Variants in PRKN observed in about 807,000 individuals in gnomAD.
The protein encoded by PRKN is E3 ubiquitin-protein ligase parkin.
Under a neutral mutation model 59.5 loss-of-function variants are expected in PRKN, and 56 were observed. The ratio of observed to expected loss-of-function variants is 0.94; its 90% CI spans 0.76 to 1.18. PRKN has a LOEUF of 1.18. Ranked by LOEUF, PRKN falls within the 50% of genes most tolerant of loss-of-function variation. The probability of loss-of-function intolerance (pLI) is 0.00; values close to 1 mark genes in which losing one functional copy is unlikely to be tolerated. For missense variants in PRKN, 657 were observed against 596.4 expected (o/e 1.10, Z -1.06); for synonymous variants, 250 against 222.1 (o/e 1.13, Z -1.12).
intron 11 of PRKN, among the ~76,000 whole-genome samples, chr6:161,351,576 C>T (rs1207182213): frequency 2.6e-5 from 4 of 152,130 alleles, no homozygotes; most frequent in Non-Finnish European, 4.4e-5. Context: ...CCTCCCGCCT[C>T]GGCCTCCCAA....
intron 6 of PRKN, among the ~76,000 whole-genome samples, chr6:161,871,458 A>C (rs564091734): frequency 6.6e-6 from 1 of 152,308 alleles, no homozygotes; most frequent in Admixed American, 6.5e-5. Flanking sequence ...CTTAGAACTC[A>C]GGGTGCAGTT....
chr6:162,449,411 C>G (rs1031637769), intron 1 of PRKN, among the ~76,000 whole-genome samples: 5 of 152,148 alleles, frequency 3.3e-5, no homozygotes, highest in African/African-American at 1.2e-4. Context: ...TGGTGGAACA[C>G]AAATCTCTAG....
chr6:161,456,335 C>T lies in PRKN; in HGVS notation c.1084-69458G>A, dbSNP rs773284351. On this transcript the variant is annotated intron_variant, in intron 9 of 11. Coordinates refer to ENST00000366898, the MANE Select transcript of PRKN (RefSeq NM_004562.3). The surrounding 1 kb of genome is among the most constrained non-coding windows in gnomAD (Gnocchi z 4.8). The stretch of plus-strand genomic sequence containing the variant: ...TTTCTCTCGCATTGAAAGCTTCCTG[C>T]CCTGGAACATCAGACTCCAAGTTCT... Among the ~76,000 whole-genome samples, 18 of 152,190 alleles carry T rather than the reference C, an allele frequency of 1.2e-4. No homozygotes were observed. The highest frequency in any genetic ancestry group is 2.5e-4 in the Non-Finnish European group (17 of 68,036).
chr6:161,534,202 G>C (rs749368901), intron 9 of PRKN, among the ~76,000 whole-genome samples: 8 of 152,062 alleles, frequency 5.3e-5, no homozygotes, highest in Non-Finnish European at 1.0e-4. Flanking sequence ...CTCCCTGGCC[G>C]TGTTCTCTGC....
intron 2 of PRKN, among the ~76,000 whole-genome samples, chr6:162,368,429 A>G (rs755405972): frequency 2.6e-5 from 4 of 152,198 alleles, no homozygotes; most frequent in Non-Finnish European, 5.9e-5. Flanking sequence ...GACTGCCATC[A>G]GGACATGGAA....
intron 2 of PRKN, among the ~76,000 whole-genome samples, chr6:162,279,480 G>A (rs12212222): frequency 0.098 from 13,085 of 133,760 alleles, 743 homozygotes; most frequent in South Asian, 0.29. Context: ...GAAGAGAAAA[G>A]AAAAGAAAAG....
At chr6:161,929,922 G>A (rs1465093739) in intron 6 of PRKN, among the ~76,000 whole-genome samples, 2 of 152,174 alleles carry the variant, frequency 1.3e-5, no homozygotes, top group Non-Finnish European at 2.9e-5. Context: ...GGGATTCCTT[G>A]TTTTCATAAT....
rs372728536 is a variant in PRKN at position 162,442,371 on chromosome 6, C to T, written c.171+939G>A. On this transcript the variant is annotated intron_variant, in intron 2 of 11. Transcript: ENST00000366898. The stretch of plus-strand genomic sequence containing the variant: ...TGCTGGTTAAGAAAAGGGGAACATA[C>T]ATCTGCAGGGTCCTTCACAGTCACA... Among the ~76,000 whole-genome samples the T allele has an allele frequency of 6.6e-4, 101 of 152,330 alleles. 2 individuals carry two copies. The highest frequency in any genetic ancestry group is 2.4e-3 in the African/African-American group (99 of 41,578).
rs888284966 is a variant in PRKN, at chr6:162,556,764, G to GAA, written c.8-113292_8-113291insTT. Among the ~76,000 whole-genome samples, 4 of 126,390 alleles carry GAA rather than the reference G, an allele frequency of 3.2e-5. No homozygotes were observed. The Admixed American group carries it at 3.3e-4, about 10-fold the overall frequency. 82.9% of individuals were successfully genotyped at this position (126,390 alleles called of 152,430 possible). A position where few individuals can be genotyped will look rare whatever the true frequency, so the allele number is the denominator to read the frequency against. ...CCATCTCAAAAAAAAAAAAAAAAAA[G>GAA]AGAAAAGGAAGCTGTAGCTTAGAAC... On this transcript the variant is annotated intron_variant, in intron 1 of 11. Coordinates refer to ENST00000366898, the MANE Select transcript of PRKN (RefSeq NM_004562.3).
At chr6:161,830,445 T>G (rs560508341) in intron 6 of PRKN, among the ~76,000 whole-genome samples, 20 of 152,014 alleles carry the variant, frequency 1.3e-4, no homozygotes, top group African/African-American at 3.9e-4. Flanking sequence ...GTAGAGACAG[T>G]GTTTCACCGT....
intron 4 of PRKN, among the ~76,000 whole-genome samples, chr6:162,183,831 T>C (rs1163074282): frequency 6.6e-6 from 1 of 152,172 alleles, no homozygotes. Flanking sequence ...GCCAAGTAAC[T>C]TTTTTCCAGC....
At chr6:162,212,181 A>G (rs938563048) in intron 3 of PRKN, among the ~76,000 whole-genome samples, 2 of 151,378 alleles carry the variant, frequency 1.3e-5, no homozygotes, top group South Asian at 4.2e-4. Context: ...TACCCTAAAC[A>G]CTCCTTGCTG....
chr6:161,504,415 T>C (rs1342904299), intron 9 of PRKN, among the ~76,000 whole-genome samples: 3 of 152,124 alleles, frequency 2.0e-5, no homozygotes, highest in Non-Finnish European at 4.4e-5. Flanking sequence ...TGTGCGGGGA[T>C]GGGAAAAGGG....
At chr6:161,479,110 AC>A (rs1352158578) in intron 9 of PRKN, among the ~76,000 whole-genome samples, 1 of 152,146 alleles carries the variant, frequency 6.6e-6, no homozygotes, top group Non-Finnish European at 1.5e-5. Context: ...TGCCTCTAGA[AC>A]CTGTAACTGA....
intron 6 of PRKN, among the ~76,000 whole-genome samples, chr6:161,950,826 T>C (rs1040207638): frequency 2.6e-5 from 4 of 151,858 alleles, no homozygotes; most frequent in Admixed American, 2.0e-4. Flanking sequence ...AAAATTGTAC[T>C]GCGTCTTCGA....
intron 5 of PRKN, among the ~76,000 whole-genome samples, chr6:162,012,444 A>T (rs559344650): frequency 6.6e-6 from 1 of 152,240 alleles, no homozygotes; most frequent in African/African-American, 2.4e-5. Flanking sequence ...ACATTATTAT[A>T]TATCTTTATG....
rs368855187 is a variant in PRKN at position 162,668,875 on chromosome 6, T to G, written c.7+58787A>C. Among the ~76,000 whole-genome samples, 11 of 152,282 alleles carry G rather than the reference T, an allele frequency of 7.2e-5. No individual in the cohort carries two copies. In the East Asian group the frequency reaches 2.1e-3, roughly 29 times the overall value. ...GGCACCTGCTTTCTAGGCATTTACTTCATTCTGAGAGTGGATGATAATGAT... is the reference window on the plus strand; with the variant it reads ...GGCACCTGCTTTCTAGGCATTTACTGCATTCTGAGAGTGGATGATAATGAT... On this transcript the variant is annotated intron_variant, in intron 1 of 11. Transcript: ENST00000366898.
chr6:162,095,111 G>C (rs1209882920), intron 4 of PRKN, among the ~76,000 whole-genome samples: 1 of 152,174 alleles, frequency 6.6e-6, no homozygotes, highest in Non-Finnish European at 1.5e-5. Context: ...TGGGTCTTCA[G>C]GGGAAGGCTT....
intron 1 of PRKN, among the ~76,000 whole-genome samples, chr6:162,656,467 T>G (rs1778642841): frequency 6.6e-6 from 1 of 152,170 alleles, no homozygotes. Context: ...TCCCATTATT[T>G]AAGCTAAAAG....
Sources: gnomAD v4.1 joint callset for allele counts (sites outside exome capture counted in the v4.1 genomes callset) on GRCh38, gnomAD v4.1.1 for gene constraint, Gnocchi (gnomAD v3.1) non-coding constraint, MANE v1.5 for transcripts, NCBI Gene and HGNC (gene_info 2026-07-23, HGNC 2026-07-21) for gene names.